The following ZRANB3 variants were observed in gnomAD, a reference collection of about 807,000 sequenced individuals.
ZRANB3 encodes the protein DNA annealing helicase and endonuclease ZRANB3.
A neutral mutation model predicts 133.8 loss-of-function variants in ZRANB3; 125 were observed. The ratio of observed to expected loss-of-function variants is 0.93; its 90% CI spans 0.81 to 1.08. The LOEUF is 1.08. Among genes scored for constraint, ZRANB3 ranks in the 50% least tolerant of loss-of-function variants. The pLI is 0.00. For synonymous variants in ZRANB3, 387 were observed against 432.7 expected (o/e 0.89, Z 1.31); for missense variants, 1,229 against 1,275.5 (o/e 0.96, Z 0.56).
chr2:135,486,827 C>A lies in ZRANB3; in HGVS notation c.161+17502G>T, dbSNP rs531941324. On this transcript the variant is annotated intron_variant, in intron 2 of 20. Transcript: ENST00000264159. ...TGCACCCGGTCCCCTCTACTGAAGT[C>A]TTGAACCCCTGCAAGTAATCCATGA... Among the ~76,000 whole-genome samples, 124 of 152,278 alleles carry A rather than the reference C, an allele frequency of 8.1e-4. 1 individual carries two copies. The highest frequency in any genetic ancestry group is 2.6e-3 in the African/African-American group (110 of 41,576).
chr2:135,367,940 A>G (rs996309966), intron 3 of ZRANB3, among the ~76,000 whole-genome samples: 3 of 152,144 alleles, frequency 2.0e-5, no homozygotes, highest in Non-Finnish European at 4.4e-5. Flanking sequence ...ACAGGTTATT[A>G]TTGAATAACT....
rs79198054 is a variant in ZRANB3 at position 135,430,430 on chromosome 2, A to T, written c.162-39610T>A. On this transcript the variant is annotated intron_variant, in intron 2 of 20. Transcript: ENST00000264159. ...CTTTCTAATATATTATAAAGTAAGA[A>T]GATTAAAAAAAAAAAACCCAAACAC... is the stretch of plus-strand genomic sequence containing the variant. Among the ~76,000 whole-genome samples, 855 of 152,052 alleles carry T rather than the reference A, an allele frequency of 5.6e-3. 7 individuals carry two copies. The highest frequency in any genetic ancestry group is 0.02 in the African/African-American group (814 of 41,526).
chr2:135,393,448 C>G (rs1352656919), intron 2 of ZRANB3, among the ~76,000 whole-genome samples: 1 of 150,382 alleles, frequency 6.6e-6, no homozygotes, highest in Non-Finnish European at 1.5e-5. Flanking sequence ...AAGCACAGAA[C>G]AGAAAGCAAA....
intron 2 of ZRANB3, among the ~76,000 whole-genome samples, chr2:135,418,923 C>T (rs1275952308): frequency 3.5e-5 from 4 of 114,324 alleles, no homozygotes; most frequent in African/African-American, 1.1e-4. Context: ...TAAGGATTCT[C>T]TCTTTTTTTT....
In ZRANB3 at chr2:135,307,698, T is replaced by C. The variant is rs149218810; in HGVS notation, c.966+5791A>G. Reference sequence around the variant, plus strand: ...ATGCTAGGAGTTATGTGTAGAAGGATAGTACAGACTGAGGAAATGATAGTT... The same window carrying C: ...ATGCTAGGAGTTATGTGTAGAAGGACAGTACAGACTGAGGAAATGATAGTT... On this transcript the variant is annotated intron_variant, in intron 8 of 20. Transcript: ENST00000264159. Among the ~76,000 whole-genome samples, 400 of 152,278 alleles carry C rather than the reference T, an allele frequency of 2.6e-3. 2 individuals are homozygous for C. The highest frequency in any genetic ancestry group is 8.9e-3 in the African/African-American group (371 of 41,556).
intron 8 of ZRANB3, among the ~76,000 whole-genome samples, chr2:135,287,685 T>TG (rs1681452824): frequency 6.6e-6 from 1 of 150,662 alleles, no homozygotes; most frequent in Non-Finnish European, 1.5e-5. Flanking sequence ...TTTTTTTTTT[T>TG]TTTGCAGCTA....
intron 12 of ZRANB3, among the ~76,000 whole-genome samples, chr2:135,234,884 G>A (rs1695215166): frequency 1.3e-5 from 2 of 152,150 alleles, no homozygotes; most frequent in South Asian, 2.1e-4. Flanking sequence ...AAGAACTAGA[G>A]AAGCAAGAGC....
chr2:135,381,358 C>T (rs942685641), intron 3 of ZRANB3, among the ~76,000 whole-genome samples: 14 of 152,190 alleles, frequency 9.2e-5, no homozygotes, highest in South Asian at 8.3e-4. Context: ...CCTGGAAGCT[C>T]GAACAGGGCG....
intron 2 of ZRANB3, among the ~76,000 whole-genome samples, chr2:135,481,922 T>C (rs1371318834): frequency 7.0e-6 from 1 of 142,684 alleles, no homozygotes; most frequent in Non-Finnish European, 1.5e-5. Flanking sequence ...GATCAGATAG[T>C]TGTAGATATG....
chr2:135,356,364 A>G (rs901069447), intron 3 of ZRANB3, among the ~76,000 whole-genome samples: 12 of 152,172 alleles, frequency 7.9e-5, no homozygotes, highest in African/African-American at 2.7e-4. Context: ...CAATGTATAC[A>G]TATTTCAAAA....
At chr2:135,445,859 G>C (rs1331700823) in intron 2 of ZRANB3, among the ~76,000 whole-genome samples, 2 of 130,352 alleles carry the variant, frequency 1.5e-5, no homozygotes, top group African/African-American at 3.0e-5. Flanking sequence ...CTGGGTGACA[G>C]AGCAAGACTC....
intron 10 of ZRANB3, among the ~76,000 whole-genome samples, chr2:135,269,965 A>G (rs16831501): frequency 0.27 from 40,661 of 151,998 alleles, 9,124 homozygotes; most frequent in African/African-American, 0.6. Flanking sequence ...CCAAACTCCT[A>G]TGAGTGACTT....
chr2:135,300,132 C>T (rs1682358546), intron 8 of ZRANB3, among the ~76,000 whole-genome samples: 1 of 152,162 alleles, frequency 6.6e-6, no homozygotes, highest in Non-Finnish European at 1.5e-5. Flanking sequence ...TATTCACTTC[C>T]TCAGTTTGAC....
intron 8 of ZRANB3, among the ~76,000 whole-genome samples, chr2:135,311,603 G>A (rs1244388920): frequency 6.6e-6 from 1 of 151,912 alleles, no homozygotes; most frequent in Non-Finnish European, 1.5e-5. Flanking sequence ...AAATTTTAGG[G>A]GCCAGATGAG....
At chr2:135,270,421 G>C (rs1315003963) in intron 10 of ZRANB3, among the ~76,000 whole-genome samples, 1 of 152,070 alleles carries the variant, frequency 6.6e-6, no homozygotes, top group Non-Finnish European at 1.5e-5. Flanking sequence ...AAGTATATGA[G>C]TCTTGATTTA....
chr2:135,341,187 T>A (rs76046783), intron 6 of ZRANB3, among the ~76,000 whole-genome samples: 1 of 149,416 alleles, frequency 6.7e-6, no homozygotes, highest in Admixed American at 6.6e-5. Context: ...ACCTGGCTAA[T>A]TTTTTTTCTT....
At chr2:135,251,130 G>T (rs1225968276) in intron 12 of ZRANB3, among the ~76,000 whole-genome samples, 1 of 152,238 alleles carries the variant, frequency 6.6e-6, no homozygotes, top group African/African-American at 2.4e-5. Flanking sequence ...AGTTGAAGGA[G>T]ATCATTTTGG....
intron 1 of ZRANB3, among the ~76,000 whole-genome samples, chr2:135,514,775 G>A (rs1360342207): frequency 2.0e-5 from 3 of 152,156 alleles, no homozygotes; most frequent in African/African-American, 7.2e-5. Context: ...CTGTGGGTGT[G>A]TCATAAATAG....
chr2:135,239,893 A>G (rs1458115472), intron 12 of ZRANB3, among the ~76,000 whole-genome samples: 2 of 152,016 alleles, frequency 1.3e-5, no homozygotes, highest in Non-Finnish European at 2.9e-5. Context: ...CTGAGGCAGA[A>G]GAACCGCTCA....
Sources: gnomAD v4.1 joint callset for allele counts (sites outside exome capture counted in the v4.1 genomes callset) on GRCh38, gnomAD v4.1.1 for gene constraint, MANE v1.5 for transcripts, NCBI Gene and HGNC (gene_info 2026-07-23, HGNC 2026-07-21) for gene names.